Variants in MAML1 observed in about 807,000 individuals in gnomAD.
MAML1 encodes the protein mastermind like transcriptional coactivator 1, also known as mastermind-like protein 1.
A neutral mutation model predicts 77.1 loss-of-function variants in MAML1; 14 were observed. The ratio of observed to expected loss-of-function variants is 0.18; its 90% CI spans 0.12 to 0.28. MAML1 has a LOEUF of 0.28. MAML1 is among the 10% of genes least tolerant of loss of function. The pLI is 1.00. For missense variants in MAML1, 1,217 were observed against 1,327.8 expected (o/e 0.92, Z 1.30); for synonymous variants, 516 against 551.9 (o/e 0.93, Z 0.91).
chr5:179,751,679 TG>T, intron 1 of MAML1, among the ~76,000 whole-genome samples: 1 of 152,038 alleles, frequency 6.6e-6, no homozygotes, highest in Non-Finnish European at 1.5e-5. Flanking sequence ...CACTCCAGCC[TG>T]GGTGACAGAG....
chr5:179,737,972 G>GT (rs1779205311), intron 1 of MAML1, among the ~76,000 whole-genome samples: 1 of 152,118 alleles, frequency 6.6e-6, no homozygotes, highest in Non-Finnish European at 1.5e-5. Flanking sequence ...AGGTTTTAAA[G>GT]TTTTTTGTAG....
chr5:179,759,900 A>G (rs1343455858), intron 1 of MAML1, among the ~76,000 whole-genome samples: 1 of 152,178 alleles, frequency 6.6e-6, no homozygotes, highest in African/African-American at 2.4e-5. Context: ...GGGTGGGTTC[A>G]AGAAATATTA....
At chr5:179,761,317 C>T (rs1401113411) in intron 1 of MAML1, among the ~76,000 whole-genome samples, 6 of 151,968 alleles carry the variant, frequency 3.9e-5, no homozygotes. Flanking sequence ...TCACTTGAGC[C>T]CAGGAGTTTG....
intron 1 of MAML1, among the ~76,000 whole-genome samples, chr5:179,740,739 TC>T (rs1384323957): frequency 2.0e-5 from 3 of 152,100 alleles, no homozygotes; most frequent in Non-Finnish European, 2.9e-5. Context: ...TTTGGACAGT[TC>T]CTGAGGGCAG....
chr5:179,765,844 G>T lies in MAML1; in HGVS notation c.834G>T (p.Lys278Asn), dbSNP rs753600218. The T allele has an allele frequency of 6.2e-7, 1 of 1,614,156 alleles. No homozygotes were observed. The highest frequency in any genetic ancestry group is 1.7e-5 in the Admixed American group (1 of 60,022). The change falls in exon 2 of 5, where the codon AAG becomes AAT. Residue 278 changes from lysine (K) to asparagine (N), a missense_variant. Physicochemically the swap from Lys to Asn is moderately conservative, Grantham distance 94. This residue lies in a region of MAML1 where 884 missense variants were observed against 949.3 expected (regional missense o/e 0.93). Coordinates refer to ENST00000292599, the MANE Select transcript of MAML1 (RefSeq NM_014757.5). ...TGTTTAATGAGGACTTCGAGGAGAAGAAGGACCCAGAGTCTTCTGGCTCTG... is the reference window on the plus strand; with the variant it reads ...TGTTTAATGAGGACTTCGAGGAGAATAAGGACCCAGAGTCTTCTGGCTCTG... The part of the protein sequence containing the change: ...KDLFNEDFEE[K>N]KDPESSGSAT...
At chr5:179,740,963 T>G (rs1270381431) in intron 1 of MAML1, among the ~76,000 whole-genome samples, 1 of 152,228 alleles carries the variant, frequency 6.6e-6, no homozygotes, top group South Asian at 2.1e-4. Context: ...ATTTGTCACC[T>G]GTAATAATAC....
chr5:179,748,960 T>G (rs1047169095), intron 1 of MAML1, among the ~76,000 whole-genome samples: 11 of 151,740 alleles, frequency 7.2e-5, no homozygotes, highest in East Asian at 1.9e-4. Context: ...GTTTTTTTTT[T>G]TTTTGTTTTT....
rs576422414 is a variant in MAML1 at position 179,776,828 on chromosome 5, C to T, written c.*1951C>T. On this transcript the variant is annotated 3_prime_UTR_variant, in exon 5 of 5. Coordinates refer to ENST00000292599, the MANE Select transcript of MAML1 (RefSeq NM_014757.5). ...AGCAATAAAATGTGATTCTTGGGGTCCCCCCAGGGAGCTGCCCATGGCTTT... is the reference window on the plus strand; with the variant it reads ...AGCAATAAAATGTGATTCTTGGGGTTCCCCCAGGGAGCTGCCCATGGCTTT... The T allele has an allele frequency of 1.4e-5, 14 of 985,898 alleles. No individual in the cohort carries two copies. The highest frequency in any genetic ancestry group is 2.3e-4 in the East Asian group (2 of 8,804). 61.1% of individuals were successfully genotyped at this position (985,898 alleles called of 1,614,324 possible). A position where few individuals can be genotyped will look rare whatever the true frequency, so the allele number is the denominator to read the frequency against.
rs756850315 is a variant in MAML1 at position 179,774,882 on chromosome 5, A to C, written c.*5A>C. On this transcript the variant is annotated 3_prime_UTR_variant, in exon 5 of 5. Transcript: ENST00000292599. ...GACCTGTTAGGGTCTCAGTAATGGAAGGATTTGTAGTGTTTTTAGTGTTCA... is the reference window on the plus strand; with the variant it reads ...GACCTGTTAGGGTCTCAGTAATGGACGGATTTGTAGTGTTTTTAGTGTTCA... 70 of 1,587,228 alleles carry C rather than the reference A, an allele frequency of 4.4e-5. No homozygotes were observed. The highest frequency in any genetic ancestry group is 5.9e-5 in the Non-Finnish European group (69 of 1,164,892).
chr5:179,733,016 G>C lies in MAML1; in HGVS notation c.-97G>C, dbSNP rs1397716158. The C allele has an allele frequency of 2.7e-6, 2 of 738,870 alleles. No individual in the cohort carries two copies. Among genetic ancestry groups the C allele is most frequent in the Non-Finnish European group, 3.6e-6 (2 of 550,426 alleles). 45.8% of individuals were successfully genotyped at this position (738,870 alleles called of 1,614,324 possible). On this transcript the variant is annotated 5_prime_UTR_variant, in exon 1 of 5. Coordinates refer to ENST00000292599, the MANE Select transcript of MAML1 (RefSeq NM_014757.5). ...CTGCCCTCGGGGGCATGGCGCGGCCGTGAGGCGGAGAGGGGTAGCCGCGGG... is the reference window on the plus strand; with the variant it reads ...CTGCCCTCGGGGGCATGGCGCGGCCCTGAGGCGGAGAGGGGTAGCCGCGGG...
At chr5:179,748,102 A>C (rs1408887076) in intron 1 of MAML1, among the ~76,000 whole-genome samples, 3 of 152,038 alleles carry the variant, frequency 2.0e-5, no homozygotes, top group African/African-American at 7.2e-5. Context: ...AATTTTTTTG[A>C]CATGGAGCCT....
chr5:179,747,611 C>G (rs1779405055), intron 1 of MAML1, among the ~76,000 whole-genome samples: 1 of 152,076 alleles, frequency 6.6e-6, no homozygotes, highest in South Asian at 2.1e-4. Flanking sequence ...GAGATCGAGA[C>G]CATCTTGGCT....
intron 1 of MAML1, among the ~76,000 whole-genome samples, chr5:179,738,350 G>C (rs943275913): frequency 6.6e-6 from 1 of 152,130 alleles, no homozygotes; most frequent in Non-Finnish European, 1.5e-5. Flanking sequence ...CCAAACTCTT[G>C]TAAGAATTAT....
At chr5:179,752,435 C>A (rs1779513127) in intron 1 of MAML1, among the ~76,000 whole-genome samples, 3 of 141,556 alleles carry the variant, frequency 2.1e-5, no homozygotes, top group South Asian at 4.5e-4. Context: ...TTAAAAAGTT[C>A]ATATATATTG....
In MAML1 at chr5:179,769,105, G is replaced by C; in HGVS notation, c.1971+16G>C. The C allele has an allele frequency of 6.2e-7, 1 of 1,613,084 alleles. No individual in the cohort carries two copies. Among genetic ancestry groups the C allele is most frequent in the Non-Finnish European group, 8.5e-7 (1 of 1,179,262 alleles). ...CGCGGAACAGGTAAAAAGAAAAGTG[G>C]AAGGAAACCACCGCTTCCCACCTTT... On this transcript the variant is annotated intron_variant, in intron 3 of 4. Coordinates refer to ENST00000292599, the MANE Select transcript of MAML1 (RefSeq NM_014757.5). This position sits in a 1 kb window ranked among gnomAD's most constrained non-coding sequence, Gnocchi z 4.2.
At chr5:179,752,442 A>G (rs72809798) in intron 1 of MAML1, among the ~76,000 whole-genome samples, 3,524 of 148,050 alleles carry the variant, frequency 0.024, 74 homozygotes, top group Non-Finnish European at 0.037. Flanking sequence ...GTTCATATAT[A>G]TTGGGTTAAA....
At chr5:179,770,378 G>GC (rs1487365252) in intron 3 of MAML1, among the ~76,000 whole-genome samples, 3 of 152,100 alleles carry the variant, frequency 2.0e-5, no homozygotes, top group African/African-American at 2.4e-5. Flanking sequence ...AACCTGGGAG[G>GC]GGAGCTTGCA....
intron 1 of MAML1, among the ~76,000 whole-genome samples, chr5:179,742,820 AAG>A (rs1216354703): frequency 2.6e-5 from 4 of 152,188 alleles, no homozygotes; most frequent in South Asian, 4.1e-4. Flanking sequence ...TCTAAAAAGA[AAG>A]AACATTTCAA....
At chr5:179,763,911 G>A (rs965890049) in intron 1 of MAML1, among the ~76,000 whole-genome samples, 1 of 151,592 alleles carries the variant, frequency 6.6e-6, no homozygotes, top group African/African-American at 2.4e-5. Context: ...ATGGTACTGG[G>A]GGTGGGGGAT....
Sources: gnomAD v4.1 joint callset for allele counts (sites outside exome capture counted in the v4.1 genomes callset) on GRCh38, gnomAD v4.1.1 for gene constraint, gnomAD v4.1.1 regional missense constraint, Gnocchi (gnomAD v3.1) non-coding constraint, MANE v1.5 for transcripts, NCBI Gene and HGNC (gene_info 2026-07-23, HGNC 2026-07-21) for gene names.